Variants in DLG1 observed in about 807,000 individuals in gnomAD.
DLG1 encodes disks large homolog 1.
In DLG1, 42 loss-of-function variants were observed where a neutral mutation model predicts 123.4. That is an observed-to-expected ratio of 0.34 (90% CI 0.27 to 0.44). The LOEUF (loss-of-function observed/expected upper bound fraction) is 0.44. Ranked by LOEUF, DLG1 falls within the 20% of genes least tolerant of loss-of-function variation. DLG1 has a pLI of 1.00. For synonymous variants in DLG1, 317 were observed against 356.2 expected (o/e 0.89, Z 1.24); for missense variants, 942 against 1,082.6 (o/e 0.87, Z 1.82).
chr3:197,285,798 T>A (rs1771553667), intron 3 of DLG1, among the ~76,000 whole-genome samples: 1 of 152,202 alleles, frequency 6.6e-6, no homozygotes, highest in Admixed American at 6.5e-5. Context: ...GTACAACCAC[T>A]TTGGAAGGCA....
chr3:197,242,642 C>G (rs967153844), intron 4 of DLG1, among the ~76,000 whole-genome samples: 2 of 151,738 alleles, frequency 1.3e-5, no homozygotes, highest in Admixed American at 6.6e-5. Context: ...ACCTCAAGAA[C>G]TTCAAAAACG....
At chr3:197,083,722 C>T (rs1313851927) in intron 16 of DLG1, among the ~76,000 whole-genome samples, 1 of 152,150 alleles carries the variant, frequency 6.6e-6, no homozygotes, top group Non-Finnish European at 1.5e-5. Context: ...CTGTGGGAGG[C>T]TGGGGTGAGA....
At chr3:197,173,985 G>A (rs1191683237) in intron 5 of DLG1, among the ~76,000 whole-genome samples, 1 of 152,126 alleles carries the variant, frequency 6.6e-6, no homozygotes, top group South Asian at 2.1e-4. Flanking sequence ...TAGGAGGCTG[G>A]GGCATAAGAA....
chr3:197,096,325 T>G (rs1560629377), intron 14 of DLG1, among the ~76,000 whole-genome samples: 1 of 152,210 alleles, frequency 6.6e-6, no homozygotes, highest in African/African-American at 2.4e-5. Context: ...AACATATATA[T>G]TAATTTGGTC....
intron 22 of DLG1, among the ~76,000 whole-genome samples, chr3:197,063,992 G>A (rs182532055): frequency 6.7e-6 from 1 of 148,818 alleles, no homozygotes; most frequent in Non-Finnish European, 1.5e-5. Flanking sequence ...GCAGTGGCAT[G>A]GTTTTGGCTC....
At chr3:197,247,155 G>A (rs1485822212) in intron 4 of DLG1, among the ~76,000 whole-genome samples, 2 of 152,232 alleles carry the variant, frequency 1.3e-5, no homozygotes, top group African/African-American at 4.8e-5. Context: ...TTCCCTTAAG[G>A]GAAAGAGAGT....
In DLG1 at chr3:197,285,098, T is replaced by C. The variant is rs138543721; in HGVS notation, c.152-2253A>G. 3.3e-5 allele frequency among the ~76,000 whole-genome samples: 5 copies of C among 152,156 alleles called. No homozygotes were observed. The East Asian group carries it at 5.8e-4, about 18-fold the overall frequency. ...TCAGAAGCCTTCAAATATATAATTT[T>C]CTTTTACATAAAAATTTTTCATTAC... On this transcript the variant is annotated intron_variant, in intron 3 of 24. Transcript: ENST00000667157.
chr3:197,073,833 C>G (rs1204257625), intron 18 of DLG1, among the ~76,000 whole-genome samples: 1 of 151,536 alleles, frequency 6.6e-6, no homozygotes. Context: ...CAGTGTTATT[C>G]CATTTCTCTT....
chr3:197,095,254 A>C (rs1188531450), intron 14 of DLG1, among the ~76,000 whole-genome samples: 2 of 152,198 alleles, frequency 1.3e-5, no homozygotes, highest in Admixed American at 6.5e-5. Flanking sequence ...TATAACTACA[A>C]AACCATCAAA....
chr3:197,164,915 CTA>C (rs1314392215), intron 5 of DLG1, among the ~76,000 whole-genome samples: 3 of 145,488 alleles, frequency 2.1e-5, no homozygotes, highest in Non-Finnish European at 4.5e-5. Context: ...CAGAGCAAGA[CTA>C]TCTCAAAAAA....
intron 18 of DLG1, 114 bp from the exon 19 acceptor site, chr3:197,069,374 G>T: frequency 3.3e-6 from 2 of 598,120 alleles, no homozygotes; most frequent in South Asian, 3.8e-5. Context: ...TTTTTTAAAA[G>T]CATTTTCTTT....
chr3:197,061,975 C>T (rs553590674), intron 22 of DLG1, among the ~76,000 whole-genome samples: 4 of 152,126 alleles, frequency 2.6e-5, no homozygotes, highest in South Asian at 4.2e-4. Flanking sequence ...TGGTTTCTGC[C>T]GGAAACAATT....
chr3:197,283,431 A>G (rs1294390763), intron 3 of DLG1, among the ~76,000 whole-genome samples: 1 of 152,246 alleles, frequency 6.6e-6, no homozygotes, highest in African/African-American at 2.4e-5. Context: ...TGAATATTTT[A>G]TAATAGTAAA....
chr3:197,194,333 T>C, intron 5 of DLG1, 92 bp downstream of exon 5: 2 of 857,150 alleles, frequency 2.3e-6, no homozygotes, highest in Non-Finnish European at 3.2e-6. Context: ...AGGGCGAACC[T>C]ACATGAAAGA....
intron 5 of DLG1, among the ~76,000 whole-genome samples, chr3:197,177,344 T>C (rs2150090395): frequency 6.6e-6 from 1 of 152,226 alleles, no homozygotes; most frequent in East Asian, 1.9e-4. Flanking sequence ...ACCTATCAAT[T>C]AGAGTCAGTA....
chr3:197,147,750 T>C (rs1217730683), intron 6 of DLG1, among the ~76,000 whole-genome samples: 1 of 150,804 alleles, frequency 6.6e-6, no homozygotes. Flanking sequence ...TGCACCAAAA[T>C]CTCAGAAATC....
intron 4 of DLG1, among the ~76,000 whole-genome samples, chr3:197,232,361 T>TAAAAAAAAA (rs34360912): frequency 8.2e-6 from 1 of 121,258 alleles, no homozygotes; most frequent in South Asian, 2.6e-4. Flanking sequence ...CCTTGTCTCT[T>TAAAAAAAAA]AAAAAAAAAA....
At chr3:197,097,378 T>A (rs766335072) in intron 14 of DLG1, among the ~76,000 whole-genome samples, 24 of 152,206 alleles carry the variant, frequency 1.6e-4, no homozygotes, top group Non-Finnish European at 2.9e-4. Flanking sequence ...CTTGCACAGA[T>A]GCTGATATCA....
intron 5 of DLG1, among the ~76,000 whole-genome samples, chr3:197,171,761 C>T (rs1378290224): frequency 6.6e-6 from 1 of 152,126 alleles, no homozygotes; most frequent in Non-Finnish European, 1.5e-5. Flanking sequence ...AGTAAACAGA[C>T]ACTAAAACTT....
Sources: gnomAD v4.1 joint callset for allele counts (sites outside exome capture counted in the v4.1 genomes callset) on GRCh38, gnomAD v4.1.1 for gene constraint, MANE v1.5 for transcripts, NCBI Gene and HGNC (gene_info 2026-07-23, HGNC 2026-07-21) for gene names.